Variants in SLC12A4 observed in about 807,000 individuals in gnomAD.
The protein encoded by SLC12A4 is solute carrier family 12 member 4, also known as electroneutral potassium-chloride cotransporter 1.
SLC12A4 carries 84 observed loss-of-function variants against 119.2 expected under a neutral mutation model. The ratio of observed to expected loss-of-function variants is 0.70; its 90% confidence interval spans 0.59 to 0.85. The LOEUF (loss-of-function observed/expected upper bound fraction) is 0.85, where lower values mean the gene tolerates loss of function less well. Among genes scored for constraint, SLC12A4 ranks in the 40% least tolerant of loss-of-function variants. The pLI is 0.00. For missense variants in SLC12A4, 1,298 were observed against 1,476.3 expected, an observed-to-expected ratio of 0.88 and a Z score of 1.98; for synonymous variants, 599 against 604.6, an observed-to-expected ratio of 0.99 and a Z score of 0.14.
At position 67,952,223 on chromosome 16, in the gene SLC12A4, G is replaced by C; in HGVS notation, c.878C>G (p.Ala293Gly). 1 of 1,614,138 alleles carries C rather than the reference G, an allele frequency of 6.2e-7. No individual in the cohort carries two copies. The highest frequency in any genetic ancestry group is 1.1e-5 in the South Asian group (1 of 91,088). The change falls in exon 7 of 24, where the codon GCT becomes GGT. Residue 293 changes from alanine (A) to glycine (G), a missense_variant. Transcript: ENST00000316341. ...CVIISILSIYAGGIKSIFDPP... is the reference protein window; with the variant it reads ...CVIISILSIYGGGIKSIFDPP... ...GTCAAATATAGACTTTATGCCCCCA[G>C]CATAGATGGAGAGGATGGAGATGAT...
rs143847552 is a variant in SLC12A4, at chr16:67,952,346, C to T, written c.755G>A (p.Arg252His). The T allele has an allele frequency of 1.0e-4, 168 of 1,614,034 alleles. No homozygotes were observed. Among genetic ancestry groups the T allele is most frequent in the Non-Finnish European group, 1.3e-4 (155 of 1,180,042 alleles). ...GGTCAGGAAAATGGTCCCATACACACGCATATTGTTCAAAGTGGCATTCGA... is the reference window on the plus strand; with the variant it reads ...GGTCAGGAAAATGGTCCCATACACATGCATATTGTTCAAAGTGGCATTCGA... ...DTSNATLNNM[R>H]VYGTIFLTFM... Residue 252 changes from arginine (R) to histidine (H), a missense_variant, in exon 7 of 24, where the codon CGT (arginine) becomes CAT (histidine). Transcript: ENST00000316341.
chr16:67,945,753 A>G lies in SLC12A4; in HGVS notation c.2847+11T>C. 6.2e-7 allele frequency: 1 copy of G among 1,610,884 alleles called. No individual in the cohort carries two copies. The highest frequency in any genetic ancestry group is 8.5e-7 in the Non-Finnish European group (1 of 1,178,410). On this transcript the variant is annotated intron_variant, in intron 21 of 23. Transcript: ENST00000316341. ...CCACCCGCCCTGGCGTGAACCACAAAGGGCACTGACTTCTCGCTCCCGCTC... is the reference window on the plus strand; with the variant it reads ...CCACCCGCCCTGGCGTGAACCACAAGGGGCACTGACTTCTCGCTCCCGCTC...
At chr16:67,948,471 G>A (rs1043938772) in intron 13 of SLC12A4, among the ~76,000 whole-genome samples, 1 of 152,228 alleles carries the variant, frequency 6.6e-6, no homozygotes, top group Non-Finnish European at 1.5e-5. Flanking sequence ...GGAGACTCTA[G>A]GCCACATTCA....
At position 67,945,870 on chromosome 16, in the gene SLC12A4, T is replaced by C; in HGVS notation, c.2741A>G (p.His914Arg). 2.5e-6 allele frequency: 4 copies of C among 1,614,068 alleles called. No homozygotes were observed. The highest frequency in any genetic ancestry group is 3.4e-6 in the Non-Finnish European group (4 of 1,180,018). ...LEAEVEVVEM[H>R]NSDISAYTYE... is the part of the protein sequence containing the mutation. ...GGTGTATGCAGAGATGTCACTGTTA[T>C]GCTGGGGACAGGGTTGGCCGTGAGG... The change falls in exon 21 of 24, where the codon CAT becomes CGT. Residue 914 changes from histidine to arginine, a missense_variant and splice_region_variant. Coordinates refer to ENST00000316341, the MANE Select transcript of SLC12A4 (RefSeq NM_005072.5).
At chr16:67,963,788 G>A in intron 1 of SLC12A4, 1 of 1,185,412 alleles carries the variant, frequency 8.4e-7, no homozygotes, top group East Asian at 2.6e-5. Context: ...CCAGTGAAGG[G>A]AATCCAGGTG....
At position 67,945,564 on chromosome 16, in the gene SLC12A4, T is replaced by C. The variant is rs754163626; in HGVS notation, c.2848-11A>G. 1 of 1,611,592 alleles carries C rather than the reference T, an allele frequency of 6.2e-7. No individual in the cohort carries two copies. The highest frequency in any genetic ancestry group is 1.1e-5 in the South Asian group (1 of 90,876). On this transcript the variant is annotated splice_polypyrimidine_tract_variant and intron_variant, in intron 21 of 23. Coordinates refer to ENST00000316341, the MANE Select transcript of SLC12A4 (RefSeq NM_005072.5). Reference sequence around the variant, plus strand: ...CTTGACCAGCTGGGCCTGAGGACAATTGCAGGAGATAGCCTTGGTCCCATA... The same window carrying C: ...CTTGACCAGCTGGGCCTGAGGACAACTGCAGGAGATAGCCTTGGTCCCATA...
Position 67,950,153 on chromosome 16 carries a change from G to A in SLC12A4, c.1629+166C>T, listed in dbSNP as rs2058397199. ...TGGGTCCAGGCAGCTCCAGGCCCAG[G>A]TGAGTGCCAGGCCCAGGGCACTTCT... On this transcript the variant is annotated intron_variant, in intron 12 of 23. Transcript: ENST00000316341. This position sits in a 1 kb window ranked among gnomAD's most constrained non-coding sequence, Gnocchi z 4.3. 7 of 811,416 alleles carry A rather than the reference G, an allele frequency of 8.6e-6. No individual in the cohort carries two copies. Among genetic ancestry groups the A allele is most frequent in the Non-Finnish European group, 1.3e-5 (7 of 524,778 alleles). 50.3% of individuals were successfully genotyped at this position (811,416 alleles called of 1,614,324 possible).
At chr16:67,960,988 G>A (rs888036356) in intron 3 of SLC12A4, among the ~76,000 whole-genome samples, 11 of 152,092 alleles carry the variant, frequency 7.2e-5, no homozygotes, top group African/African-American at 2.7e-4. Context: ...GAGGGTTTGT[G>A]ACTTGCTCTG....
chr16:67,946,666 C>A, intron 17 of SLC12A4, 33 bp from the exon 18 acceptor site: 1 of 1,582,254 alleles, frequency 6.3e-7, no homozygotes. Flanking sequence ...CAATGGGAGG[C>A]CATCAGCTTC....
chr16:67,944,366 T>G lies in SLC12A4; in HGVS notation c.*474A>C. 1.5e-6 allele frequency: 2 copies of G among 1,349,608 alleles called. No homozygotes were observed. Among genetic ancestry groups the G allele is most frequent in the South Asian group, 2.0e-5 (1 of 49,788 alleles). The allele number at this position is 1,349,608 out of a possible 1,614,324, so 83.6% of individuals were successfully genotyped here. ...AATGTTTTATTGAAAAAGTCAGGCC[T>G]CAGCTCAGCTGTCTCCATTCGGCTC... On this transcript the variant is annotated 3_prime_UTR_variant, in exon 24 of 24. Transcript: ENST00000316341. The surrounding 1 kb of genome is among the most constrained non-coding windows in gnomAD (Gnocchi z 6.6).
intron 7 of SLC12A4, 70 bp from the exon 8 acceptor site, chr16:67,952,107 G>A (rs2029946035): frequency 1.2e-6 from 2 of 1,608,750 alleles, no homozygotes; most frequent in Non-Finnish European, 8.5e-7. Flanking sequence ...TGCAGTCTCT[G>A]GGATCTGGGG....
chr16:67,950,210 C>T lies in SLC12A4; in HGVS notation c.1629+109G>A, dbSNP rs1337500384. On this transcript the variant is annotated intron_variant, in intron 12 of 23. Transcript: ENST00000316341. The surrounding 1 kb of genome is among the most constrained non-coding windows in gnomAD (Gnocchi z 4.3). ...CTCCTCATGGATGGCCGCCTGGCCCCGGGGGCCAATAAGGGCAGGACGTGC... is the reference window on the plus strand; with the variant it reads ...CTCCTCATGGATGGCCGCCTGGCCCTGGGGGCCAATAAGGGCAGGACGTGC... 32 of 1,351,910 alleles carry T rather than the reference C, an allele frequency of 2.4e-5. No individual in the cohort carries two copies. Among genetic ancestry groups the T allele is most frequent in the East Asian group, 2.3e-4 (10 of 42,710 alleles). 83.7% of individuals were successfully genotyped at this position (1,351,910 alleles called of 1,614,324 possible).
chr16:67,964,593 GA>G (rs1371320027), intron 1 of SLC12A4, among the ~76,000 whole-genome samples: 3 of 152,042 alleles, frequency 2.0e-5, no homozygotes, highest in African/African-American at 7.2e-5. Flanking sequence ...ACAGCAAATG[GA>G]AAGCACACAT....
At chr16:67,956,067 C>T (rs1377329159) in intron 5 of SLC12A4, among the ~76,000 whole-genome samples, 1 of 152,050 alleles carries the variant, frequency 6.6e-6, no homozygotes, top group Non-Finnish European at 1.5e-5. Context: ...ATCCCAGCTA[C>T]TCGGGCGGCT....
chr16:67,951,420 A>ATTGGGCTGAAGCT lies in SLC12A4; in HGVS notation c.1133-117_1133-116insAGCTTCAGCCCAA. On this transcript the variant is annotated intron_variant, in intron 8 of 23. Coordinates refer to ENST00000316341, the MANE Select transcript of SLC12A4 (RefSeq NM_005072.5). The surrounding 1 kb of genome is among the most constrained non-coding windows in gnomAD (Gnocchi z 5.2). ...CTTTGGGGACTCAGGGAACAGCTTC[A>ATTGGGCTGAAGCT]GCCCAATGACTGCAGCGTCAGCCAC... 1 of 1,195,390 alleles carries ATTGGGCTGAAGCT rather than the reference A, an allele frequency of 8.4e-7. No individual in the cohort carries two copies. The highest frequency in any genetic ancestry group is 1.2e-6 in the Non-Finnish European group (1 of 857,154). The allele number at this position is 1,195,390 out of a possible 1,614,324, so 74.0% of individuals were successfully genotyped here.
Position 67,943,888 on chromosome 16 carries a change from G to C in SLC12A4, c.*952C>G. ...GCTTTGGCCAGGTCAGCTGCCAGGG[G>C]CTGGGGCCCAGGCTCCCCAGGGTCT... On this transcript the variant is annotated 3_prime_UTR_variant, in exon 24 of 24. Transcript: ENST00000316341. The surrounding 1 kb of genome is among the most constrained non-coding windows in gnomAD (Gnocchi z 4.6). The C allele has an allele frequency of 6.9e-7, 1 of 1,450,680 alleles. No individual in the cohort carries two copies. Among genetic ancestry groups the C allele is most frequent in the African/African-American group, 1.4e-5 (1 of 71,124 alleles). The allele number at this position is 1,450,680 out of a possible 1,614,324, so 89.9% of individuals were successfully genotyped here. A position where few individuals can be genotyped will look rare whatever the true frequency, so the allele number is the denominator to read the frequency against.
At chr16:67,964,205 G>A in intron 1 of SLC12A4, 3 of 1,063,602 alleles carry the variant, frequency 2.8e-6, no homozygotes, top group Non-Finnish European at 3.9e-6. Flanking sequence ...GGACTGAGCA[G>A]GGAGAAAAAT....
At chr16:67,963,400 A>T (rs2030687504) in intron 2 of SLC12A4, 65 bp downstream of exon 2, 5 of 1,102,896 alleles carry the variant, frequency 4.5e-6, no homozygotes, top group Non-Finnish European at 6.5e-6. Flanking sequence ...CCACGTGTCC[A>T]GCCTGCCTGC....
Position 67,951,730 on chromosome 16 carries a change from G to A in SLC12A4, c.1132+93C>T, listed in dbSNP as rs552029599. 2.8e-5 allele frequency: 34 copies of A among 1,194,434 alleles called. No homozygotes were observed. The highest frequency in any genetic ancestry group is 8.7e-5 in the South Asian group (6 of 69,004). The allele number at this position is 1,194,434 out of a possible 1,614,324, so 74.0% of individuals were successfully genotyped here. ...TGGGAAGGCGGCCAGTCCTGCCCCC[G>A]TTCCCAAGCTGGCCACACAAGGACA... On this transcript the variant is annotated intron_variant, in intron 8 of 23. Transcript: ENST00000316341. The surrounding 1 kb of genome is among the most constrained non-coding windows in gnomAD (Gnocchi z 5.2).
Sources: allele counts gnomAD v4.1 joint callset (sites outside exome capture counted in the v4.1 genomes callset), GRCh38; gene constraint gnomAD v4.1.1; non-coding constraint Gnocchi (gnomAD v3.1); transcripts MANE v1.5; gene names NCBI Gene and HGNC (gene_info 2026-07-23, HGNC 2026-07-21).